UNC13C: variants seen among roughly 807,000 people sequenced by gnomAD.
The protein encoded by UNC13C is unc-13 homolog C.
In UNC13C, 174 loss-of-function variants were observed where a neutral mutation model predicts 245.4. That is an observed-to-expected ratio of 0.71 (90% CI 0.63 to 0.80). The LOEUF (loss-of-function observed/expected upper bound fraction) is 0.80, where lower values mean the gene tolerates loss of function less well. Ranked by LOEUF, UNC13C falls within the 30% of genes least tolerant of loss-of-function variation. The pLI is 0.00. For synonymous variants in UNC13C, 992 were observed against 895.1 expected (o/e 1.11, Z -1.93); for missense variants, 2,829 against 2,602.9 (o/e 1.09, Z -1.89).
At chr15:54,229,316 A>T (rs1330184525) in intron 4 of UNC13C, among the ~76,000 whole-genome samples, 1 of 152,104 alleles carries the variant, frequency 6.6e-6, no homozygotes, top group Non-Finnish European at 1.5e-5. Flanking sequence ...AAAACCAAGT[A>T]TTATAATTGC....
intron 19 of UNC13C, among the ~76,000 whole-genome samples, chr15:54,444,972 C>T (rs1257679351): frequency 7.9e-6 from 1 of 126,570 alleles, no homozygotes; most frequent in Non-Finnish European, 1.6e-5. Flanking sequence ...CCCCTCCCCC[C>T]ACCCCACAAC....
downstream of UNC13C, chr15:54,633,306 C>A (rs1253117528): frequency 6.6e-6 from 1 of 152,184 alleles, no homozygotes; most frequent in Admixed American, 6.5e-5. Flanking sequence ...TTTACATCTT[C>A]ATTGATTTAT....
intron 2 of UNC13C, among the ~76,000 whole-genome samples, chr15:54,040,966 C>G (rs771074466): frequency 6.6e-6 from 1 of 152,216 alleles, no homozygotes; most frequent in Non-Finnish European, 1.5e-5. Context: ...TCCCCTCACT[C>G]TGCTCTGTTC....
At chr15:54,455,755 G>A (rs901392420) in intron 19 of UNC13C, among the ~76,000 whole-genome samples, 1 of 151,922 alleles carries the variant, frequency 6.6e-6, no homozygotes, top group East Asian at 1.9e-4. Flanking sequence ...GTTCCTTATA[G>A]ATTCTGGATA....
intron 14 of UNC13C, among the ~76,000 whole-genome samples, chr15:54,327,815 A>G (rs555002650): frequency 6.6e-6 from 1 of 152,130 alleles, no homozygotes; most frequent in East Asian, 1.9e-4. Flanking sequence ...CTATCTTCCC[A>G]AAGAGGGTGG....
intron 1 of UNC13C, among the ~76,000 whole-genome samples, chr15:53,979,655 T>C (rs527816119): frequency 8.3e-4 from 126 of 152,322 alleles, no homozygotes; most frequent in Middle Eastern, 3.4e-3. Context: ...GTTGGCTGTC[T>C]TTAGTACCTA....
At chr15:54,060,759 A>G (rs1159434624) in intron 2 of UNC13C, among the ~76,000 whole-genome samples, 6 of 152,196 alleles carry the variant, frequency 3.9e-5, no homozygotes, top group Admixed American at 3.9e-4. Context: ...AAAATGTGGC[A>G]CATATACACC....
At position 54,436,990 on chromosome 15, in the gene UNC13C, AC is replaced by A. The variant is rs560560655; in HGVS notation, c.4933+21926del. ...CTGCTGGTTTTCAATATTAACACTG[AC>A]CCTGTTAGCCCATAGCCTGCAAAAT... is the stretch of plus-strand genomic sequence containing the variant. On this transcript the variant is annotated intron_variant, in intron 19 of 32. Coordinates refer to ENST00000260323, the MANE Select transcript of UNC13C (RefSeq NM_001080534.3). Among the ~76,000 whole-genome samples, 479 of 151,990 alleles carry A rather than the reference AC, an allele frequency of 3.2e-3. 5 individuals carry two copies. The highest frequency in any genetic ancestry group is 7.8e-4 in the East Asian group (4 of 5,134).
chr15:53,986,527 T>C (rs1198888576), intron 1 of UNC13C, among the ~76,000 whole-genome samples: 1 of 152,098 alleles, frequency 6.6e-6, no homozygotes, highest in African/African-American at 2.4e-5. Context: ...AAGACATTTC[T>C]TAGAATTCTG....
rs1372251531 is a variant in UNC13C at position 54,246,584 on chromosome 15, C to T, written c.3229-3641C>T. Among the ~76,000 whole-genome samples the T allele has an allele frequency of 5.9e-5, 9 of 152,038 alleles. No homozygotes were observed. In the East Asian group the frequency reaches 1.7e-3, roughly 29 times the overall value. On this transcript the variant is annotated intron_variant, in intron 7 of 32. Coordinates refer to ENST00000260323, the MANE Select transcript of UNC13C (RefSeq NM_001080534.3). Reference sequence around the variant, plus strand: ...AAATTATTTTTACAATGAGCATGCACTTTATTATAATCTTAAAATACATAT... The same window carrying T: ...AAATTATTTTTACAATGAGCATGCATTTTATTATAATCTTAAAATACATAT...
At chr15:53,906,745 TG>T in the UNC13C span, among the ~76,000 whole-genome samples, 1 of 152,158 alleles carries the variant, frequency 6.6e-6, no homozygotes, top group East Asian at 1.9e-4. Context: ...TACCCGAGAT[TG>T]GGTAATTTAT....
At chr15:54,588,064 G>A (rs1898584400) in intron 30 of UNC13C, among the ~76,000 whole-genome samples, 2 of 152,220 alleles carry the variant, frequency 1.3e-5, no homozygotes, top group South Asian at 2.1e-4. Flanking sequence ...AGGTAGATTG[G>A]AGAGTCCTAG....
In UNC13C at chr15:54,488,400, T is replaced by G. The variant is rs183688174; in HGVS notation, c.4934-6208T>G. Among the ~76,000 whole-genome samples the G allele has an allele frequency of 2.0e-5, 3 of 152,280 alleles. No homozygotes were observed. The East Asian group carries it at 5.8e-4, about 29-fold the overall frequency. ...GCAGTCTGCCAAACATGGAGAGGGA[T>G]AATTAAAATAGTCTTAATGAAATTA... On this transcript the variant is annotated intron_variant, in intron 19 of 32. Transcript: ENST00000260323.
intron 10 of UNC13C, among the ~76,000 whole-genome samples, chr15:54,277,098 G>T (rs1281605205): frequency 6.6e-6 from 1 of 151,930 alleles, no homozygotes; most frequent in Non-Finnish European, 1.5e-5. Flanking sequence ...CCAAAGACAT[G>T]CCTTTCTTTT....
chr15:54,166,194 C>T (rs1385204496), intron 4 of UNC13C, among the ~76,000 whole-genome samples: 1 of 151,852 alleles, frequency 6.6e-6, no homozygotes, highest in Non-Finnish European at 1.5e-5. Flanking sequence ...TTGATTTCTG[C>T]CTTTAGATAA....
At chr15:54,427,774 G>T (rs912567766) in intron 19 of UNC13C, among the ~76,000 whole-genome samples, 1 of 151,628 alleles carries the variant, frequency 6.6e-6, no homozygotes, top group Non-Finnish European at 1.5e-5. Flanking sequence ...TCTCGACTTA[G>T]TTATTTGGTC....
chr15:54,158,929 C>A (rs2032863541), intron 4 of UNC13C, among the ~76,000 whole-genome samples: 1 of 152,208 alleles, frequency 6.6e-6, no homozygotes, highest in African/African-American at 2.4e-5. Context: ...GGAATACAGG[C>A]ATGAGCCATC....
chr15:54,084,297 C>G (rs1040056423), intron 2 of UNC13C, among the ~76,000 whole-genome samples: 1 of 152,190 alleles, frequency 6.6e-6, no homozygotes, highest in African/African-American at 2.4e-5. Context: ...ATTTAAGTTC[C>G]TCGTGTATAA....
At chr15:54,098,875 T>C (rs1046633474) in intron 2 of UNC13C, among the ~76,000 whole-genome samples, 2 of 152,202 alleles carry the variant, frequency 1.3e-5, no homozygotes, top group Non-Finnish European at 2.9e-5. Context: ...TTTCATTCCC[T>C]AATATACTGC....
Sources: gnomAD v4.1 joint callset for allele counts (sites outside exome capture counted in the v4.1 genomes callset) on GRCh38, gnomAD v4.1.1 for gene constraint, MANE v1.5 for transcripts, NCBI Gene and HGNC (gene_info 2026-07-23, HGNC 2026-07-21) for gene names.